Variants in CTNND2 observed in about 807,000 individuals in gnomAD.
CTNND2 encodes catenin delta 2.
CTNND2 carries 22 observed loss-of-function variants against 144.4 expected under a neutral mutation model. That is an observed-to-expected ratio of 0.15 (90% CI 0.11 to 0.22). The LOEUF (loss-of-function observed/expected upper bound fraction) is 0.22. CTNND2 is among the 10% of genes least tolerant of loss of function. The pLI, the probability that CTNND2 is intolerant of heterozygous loss-of-function variation, is 1.00. For missense variants in CTNND2, 1,353 were observed against 1,618.8 expected (o/e 0.84, Z 2.82); for synonymous variants, 751 against 695.6 (o/e 1.08, Z -1.25).
chr5:11,486,503 TC>T (rs879319706), intron 3 of CTNND2, among the ~76,000 whole-genome samples: 1 of 151,908 alleles, frequency 6.6e-6, no homozygotes, highest in Non-Finnish European at 1.5e-5. Flanking sequence ...AGTCTTTTTT[TC>T]CCCCCAAATT....
At chr5:11,788,695 A>G (rs1042579343) in intron 1 of CTNND2, among the ~76,000 whole-genome samples, 2 of 152,100 alleles carry the variant, frequency 1.3e-5, no homozygotes, top group Admixed American at 1.3e-4. Context: ...ATTATTTATT[A>G]TACTTTAAGT....
intron 1 of CTNND2, among the ~76,000 whole-genome samples, chr5:11,784,813 T>C (rs1490183511): frequency 6.6e-6 from 1 of 152,148 alleles, no homozygotes; most frequent in East Asian, 1.9e-4. Context: ...CACTCCCCAG[T>C]CAAGCCTGCA....
intron 3 of CTNND2, among the ~76,000 whole-genome samples, chr5:11,447,662 G>C (rs533357628): frequency 6.6e-6 from 1 of 152,262 alleles, no homozygotes; most frequent in Non-Finnish European, 1.5e-5. Flanking sequence ...GCATAAGGGA[G>C]AATCTGGATG....
chr5:11,310,620 T>C (rs1227795988), intron 9 of CTNND2, among the ~76,000 whole-genome samples: 1 of 151,828 alleles, frequency 6.6e-6, no homozygotes, highest in African/African-American at 2.4e-5. Flanking sequence ...TTTCTCAACA[T>C]GGAAACACCC....
At position 11,608,857 on chromosome 5, in the gene CTNND2, C is replaced by T. The variant is rs987302875; in HGVS notation, c.175-43801G>A. The stretch of plus-strand genomic sequence containing the variant: ...GAAATCATCATCAGCAGCAGCAGCA[C>T]CATCATCATTCCAAGGGTATCTGAG... On this transcript the variant is annotated intron_variant, in intron 2 of 21. Coordinates refer to ENST00000304623, the MANE Select transcript of CTNND2 (RefSeq NM_001332.4). 6.6e-5 allele frequency among the ~76,000 whole-genome samples: 10 copies of T among 152,306 alleles called. No homozygotes were observed. The East Asian group carries it at 1.7e-3, about 26-fold the overall frequency.
At chr5:11,743,736 G>A (rs1476893725) in intron 1 of CTNND2, among the ~76,000 whole-genome samples, 1 of 152,112 alleles carries the variant, frequency 6.6e-6, no homozygotes, top group African/African-American at 2.4e-5. Flanking sequence ...TGTGATGGCT[G>A]GAGGGTGGAG....
At chr5:11,627,782 T>G (rs1781230664) in intron 2 of CTNND2, among the ~76,000 whole-genome samples, 1 of 150,660 alleles carries the variant, frequency 6.6e-6, no homozygotes, top group Non-Finnish European at 1.5e-5. Context: ...CTCATCACAA[T>G]GTACAATCAG....
chr5:10,996,586 A>C (rs181917768), intron 18 of CTNND2, among the ~76,000 whole-genome samples: 1 of 151,856 alleles, frequency 6.6e-6, no homozygotes, highest in East Asian at 1.9e-4. Context: ...GACACAGGGG[A>C]TTTTGCTGAT....
At chr5:11,788,304 AAGGACCC>A (rs371138974) in intron 1 of CTNND2, among the ~76,000 whole-genome samples, 134,339 of 152,230 alleles carry the variant, frequency 0.88, 61,194 homozygotes, top group South Asian at 0.99. Flanking sequence ...ACAGTGTGCT[AAGGACCC>A]CTAGTCCTGT....
intron 9 of CTNND2, among the ~76,000 whole-genome samples, chr5:11,336,301 T>C (rs1398686375): frequency 1.3e-5 from 2 of 152,380 alleles, no homozygotes; most frequent in South Asian, 2.1e-4. Context: ...CCAAGGTCTC[T>C]GAAAGGCATA....
intron 3 of CTNND2, among the ~76,000 whole-genome samples, chr5:11,555,976 G>T (rs1023416113): frequency 6.6e-6 from 1 of 152,108 alleles, no homozygotes; most frequent in Admixed American, 6.6e-5. Context: ...AATGACTACT[G>T]CAATGTTAAT....
chr5:11,390,681 C>G (rs1759551930), intron 6 of CTNND2, among the ~76,000 whole-genome samples: 1 of 152,178 alleles, frequency 6.6e-6, no homozygotes, highest in African/African-American at 2.4e-5. Flanking sequence ...GGCCTATTTG[C>G]CCAGGATGCT....
intron 1 of CTNND2, among the ~76,000 whole-genome samples, chr5:11,877,488 T>C (rs1304392047): frequency 6.6e-6 from 1 of 152,152 alleles, no homozygotes; most frequent in Non-Finnish European, 1.5e-5. Context: ...ATCAAGCCTA[T>C]AAGAAATAAG....
intron 3 of CTNND2, among the ~76,000 whole-genome samples, chr5:11,439,892 A>T (rs1343203888): frequency 6.6e-6 from 1 of 151,306 alleles, no homozygotes; most frequent in Non-Finnish European, 1.5e-5. Flanking sequence ...TCTGGTCTTG[A>T]ATACCTAGTC....
intron 3 of CTNND2, among the ~76,000 whole-genome samples, chr5:11,510,468 A>C (rs1771531268): frequency 6.6e-6 from 1 of 152,330 alleles, no homozygotes; most frequent in South Asian, 2.1e-4. Context: ...ATCACTTCTG[A>C]CAACGTTTAC....
rs112344869 is a variant in CTNND2 at position 11,843,928 on chromosome 5, G to A, written c.37+59889C>T. ...AGAAAATCTTAACAATGGTTTGACA[G>A]ACCTTCAAATTATAAAATATCAGTA... is the stretch of plus-strand genomic sequence containing the variant. On this transcript the variant is annotated intron_variant, in intron 1 of 21. Coordinates refer to ENST00000304623, the MANE Select transcript of CTNND2 (RefSeq NM_001332.4). 2.9e-3 allele frequency among the ~76,000 whole-genome samples: 434 copies of A among 152,248 alleles called. 6 individuals are homozygous for A. Among genetic ancestry groups the A allele is most frequent in the African/African-American group, 9.6e-3 (398 of 41,540 alleles).
intron 3 of CTNND2, among the ~76,000 whole-genome samples, chr5:11,517,972 G>A (rs1772339904): frequency 2.0e-5 from 3 of 152,284 alleles, no homozygotes; most frequent in African/African-American, 7.2e-5. Context: ...ATCTAAAATA[G>A]TCAAACTTAC....
chr5:11,771,211 GGA>G (rs1789915981), intron 1 of CTNND2, among the ~76,000 whole-genome samples: 2 of 125,306 alleles, frequency 1.6e-5, no homozygotes, highest in East Asian at 2.4e-4. Flanking sequence ...TTTTTTTTTG[GGA>G]TGGAGTCTCG....
intron 2 of CTNND2, among the ~76,000 whole-genome samples, chr5:11,630,152 A>T (rs1781345221): frequency 6.6e-6 from 1 of 152,110 alleles, no homozygotes; most frequent in African/African-American, 2.4e-5. Context: ...ATCTGCAGAG[A>T]GACATAACTC....
Sources: allele counts gnomAD v4.1 joint callset (sites outside exome capture counted in the v4.1 genomes callset), GRCh38; gene constraint gnomAD v4.1.1; transcripts MANE v1.5; gene names NCBI Gene and HGNC (gene_info 2026-07-23, HGNC 2026-07-21).